The following FANCM variants were observed in gnomAD, a reference collection of about 807,000 sequenced individuals.
The protein encoded by FANCM is Fanconi anemia group M protein.
A neutral mutation model predicts 199.5 loss-of-function variants in FANCM; 140 were observed. That is an observed-to-expected ratio of 0.70 (90% CI 0.61 to 0.81). The LOEUF is 0.81. Among genes scored for constraint, FANCM ranks in the 30% least tolerant of loss-of-function variants. The probability of loss-of-function intolerance (pLI) is 0.00; values close to 1 mark genes in which losing one functional copy is unlikely to be tolerated. For synonymous variants in FANCM, 840 were observed against 836.8 expected (o/e 1.00, Z -0.07); for missense variants, 2,410 against 2,421.4 (o/e 1.00, Z 0.10).
chr14:45,197,961 G>T (rs1049196636), intron 21 of FANCM, among the ~76,000 whole-genome samples: 1 of 151,146 alleles, frequency 6.6e-6, no homozygotes. Context: ...TAGAGACGAG[G>T]TTTCACCATG....
chr14:45,155,221 C>G lies in FANCM; in HGVS notation c.1310-152C>G, dbSNP rs575043340. The stretch of plus-strand genomic sequence containing the variant: ...AAAGTTCATTTTACAGTAAGACTTA[C>G]GTGCTACCTAGATGTTACCTCTGGT... On this transcript the variant is annotated intron_variant, in intron 7 of 22. Transcript: ENST00000267430. 1.0e-5 allele frequency: 5 copies of G among 486,228 alleles called. No individual in the cohort carries two copies. The East Asian group carries it at 1.9e-4, about 18-fold the overall frequency. 30.1% of individuals were successfully genotyped at this position (486,228 alleles called of 1,614,324 possible). A position where few individuals can be genotyped will look rare whatever the true frequency, so the allele number is the denominator to read the frequency against.
intron 9 of FANCM, among the ~76,000 whole-genome samples, chr14:45,159,600 C>T (rs1264764863): frequency 2.0e-5 from 3 of 152,096 alleles, no homozygotes; most frequent in Admixed American, 6.6e-5. Context: ...TATCTGTAAA[C>T]ATACATCATA....
At chr14:45,190,349 A>G (rs1889687359) in intron 20 of FANCM, among the ~76,000 whole-genome samples, 1 of 152,238 alleles carries the variant, frequency 6.6e-6, no homozygotes, top group African/African-American at 2.4e-5. Flanking sequence ...ACAATTGTAT[A>G]TATTTACCAA....
rs1162740407 is a variant in FANCM, at chr14:45,177,038, T to C, written c.4222+62T>C. On this transcript the variant is annotated intron_variant, in intron 14 of 22. Transcript: ENST00000267430. ...TAGAATAATTACTCTAGAAATACTT[T>C]GGTAATTTTTCCAAATGTAATTTTT... 15 of 1,114,388 alleles carry C rather than the reference T, an allele frequency of 1.3e-5. No homozygotes were observed. In the Admixed American group the frequency reaches 1.7e-4, roughly 13 times the overall value. 69.0% of individuals were successfully genotyped at this position (1,114,388 alleles called of 1,614,324 possible).
intron 21 of FANCM, among the ~76,000 whole-genome samples, chr14:45,197,311 A>G (rs528464821): frequency 1.3e-5 from 2 of 152,212 alleles, no homozygotes; most frequent in Non-Finnish European, 2.9e-5. Context: ...GGTGAAAGCC[A>G]CTGCGGAAGA....
chr14:45,141,320 A>G (rs1176539416), intron 3 of FANCM, among the ~76,000 whole-genome samples: 3 of 151,576 alleles, frequency 2.0e-5, no homozygotes, highest in South Asian at 2.1e-4. Flanking sequence ...AAAGCAAAAA[A>G]CAAAAAACAT....
chr14:45,199,420 C>T (rs1890242753), intron 22 of FANCM, among the ~76,000 whole-genome samples: 1 of 152,222 alleles, frequency 6.6e-6, no homozygotes, highest in African/African-American at 2.4e-5. Context: ...TACTGGAAGT[C>T]TGAGATCATG....
intron 12 of FANCM, among the ~76,000 whole-genome samples, chr14:45,172,344 A>G (rs1888393115): frequency 6.6e-6 from 1 of 152,154 alleles, no homozygotes; most frequent in South Asian, 2.1e-4. Context: ...CAATGTCTAG[A>G]AGAGTTTTTT....
chr14:45,196,590 A>G (rs372483014), intron 21 of FANCM, 43 bp downstream of exon 21: 5 of 1,567,046 alleles, frequency 3.2e-6, no homozygotes, highest in Admixed American at 3.3e-5. Context: ...CTGTAAAGGA[A>G]CTTTACGGTT....
At chr14:45,154,108 A>G (rs1264321208) in intron 6 of FANCM, 56 bp downstream of exon 6, 1 of 1,373,882 alleles carries the variant, frequency 7.3e-7, no homozygotes, top group African/African-American at 1.4e-5. Context: ...TTGGCTAAAG[A>G]CATATTGAAG....
At chr14:45,172,059 G>A (rs1036060528) in intron 12 of FANCM, among the ~76,000 whole-genome samples, 4 of 152,020 alleles carry the variant, frequency 2.6e-5, no homozygotes, top group Non-Finnish European at 5.9e-5. Context: ...CATTCTTGCA[G>A]GAGTAAGGTG....
chr14:45,176,260 A>C lies in FANCM; in HGVS notation c.3506A>C (p.Glu1169Ala). Reference sequence around the variant, plus strand: ...GTGTCAGACAAAACTGCTATTAGTGAAACGCCTCTGGTCTCTCAGTTCTTA... The same window carrying C: ...GTGTCAGACAAAACTGCTATTAGTGCAACGCCTCTGGTCTCTCAGTTCTTA... Reference protein sequence around the residue: ...LPVSDKTAISETPLVSQFLIS... With the variant: ...LPVSDKTAISATPLVSQFLIS... The change falls in exon 14 of 23, where the codon GAA becomes GCA. Residue 1169 changes from glutamate to alanine, a missense_variant. Glu to Ala is a moderately radical substitution (Grantham distance 107). Coordinates refer to ENST00000267430, the MANE Select transcript of FANCM (RefSeq NM_020937.4). 2 of 1,614,110 alleles carry C rather than the reference A, an allele frequency of 1.2e-6. No homozygotes were observed. Among genetic ancestry groups the C allele is most frequent in the Non-Finnish European group, 1.7e-6 (2 of 1,179,962 alleles).
At position 45,137,378 on chromosome 14, in the gene FANCM, G is replaced by A. The variant is rs1410179449; in HGVS notation, c.681+137G>A. Reference sequence around the variant, plus strand: ...TACGTCTATTATCTCAGAACAGATGGTGATAAAGAATATCTGTACTTTCTG... The same window carrying A: ...TACGTCTATTATCTCAGAACAGATGATGATAAAGAATATCTGTACTTTCTG... On this transcript the variant is annotated intron_variant, in intron 2 of 22. Transcript: ENST00000267430. The A allele has an allele frequency of 5.8e-6, 4 of 694,328 alleles. No individual in the cohort carries two copies. The East Asian group carries it at 8.1e-5, about 14-fold the overall frequency. The allele number at this position is 694,328 out of a possible 1,614,324, so 43.0% of individuals were successfully genotyped here.
chr14:45,163,121 A>G lies in FANCM; in HGVS notation c.1582-1238A>G, dbSNP rs182368558. On this transcript the variant is annotated intron_variant, in intron 9 of 22. Transcript: ENST00000267430. ...ACTTTTAAGGTTGTTGTTTTTCACA[A>G]TACAACTAGCTTACAGATTAAGTTA... 2.4e-4 allele frequency among the ~76,000 whole-genome samples: 37 copies of G among 152,358 alleles called. No individual in the cohort carries two copies. The East Asian group carries it at 6.7e-3, about 28-fold the overall frequency.
chr14:45,161,670 C>A (rs1019170181), intron 9 of FANCM, among the ~76,000 whole-genome samples: 1 of 151,820 alleles, frequency 6.6e-6, no homozygotes, highest in Non-Finnish European at 1.5e-5. Context: ...TTTCAGCTAC[C>A]TGGGAGGCTG....
intron 9 of FANCM, among the ~76,000 whole-genome samples, chr14:45,162,847 G>A (rs137888403): frequency 0.02 from 2,967 of 151,980 alleles, 44 homozygotes; most frequent in African/African-American, 0.04. Flanking sequence ...AAGAAAAAAT[G>A]TATCTAGCAC....
At chr14:45,171,720 T>C (rs1189409428) in intron 12 of FANCM, among the ~76,000 whole-genome samples, 1 of 150,104 alleles carries the variant, frequency 6.7e-6, no homozygotes, top group African/African-American at 2.4e-5. Context: ...TGTGTGTGTG[T>C]GTGCATGTGT....
intron 3 of FANCM, 23 bp from the exon 4 acceptor site, chr14:45,148,811 AATC>A: frequency 6.4e-7 from 1 of 1,554,226 alleles, no homozygotes; most frequent in Non-Finnish European, 8.9e-7. Flanking sequence ...TGTAGTTTAT[AATC>A]ATACTTAATT....
rs140370719 is a variant in FANCM, at chr14:45,145,215, T to C, written c.760-3622T>C. On this transcript the variant is annotated intron_variant, in intron 3 of 22. Coordinates refer to ENST00000267430, the MANE Select transcript of FANCM (RefSeq NM_020937.4). Reference sequence around the variant, plus strand: ...ATATCCAGGATGCAAGACAAAGTCCTCTTTACTCTTCCCTCTTTTTTCCTC... The same window carrying C: ...ATATCCAGGATGCAAGACAAAGTCCCCTTTACTCTTCCCTCTTTTTTCCTC... Among the ~76,000 whole-genome samples the C allele has an allele frequency of 4.0e-3, 607 of 151,544 alleles. 4 individuals are homozygous for C. Among genetic ancestry groups the C allele is most frequent in the Non-Finnish European group, 4.4e-3 (299 of 67,952 alleles).
Sources: allele counts gnomAD v4.1 joint callset (sites outside exome capture counted in the v4.1 genomes callset), GRCh38; gene constraint gnomAD v4.1.1; transcripts MANE v1.5; gene names NCBI Gene and HGNC (gene_info 2026-07-23, HGNC 2026-07-21).